The following CNTNAP2 variants were observed in gnomAD, a reference collection of about 807,000 sequenced individuals.
The protein encoded by CNTNAP2 is contactin associated protein 2.
CNTNAP2 carries 98 observed loss-of-function variants against 155.2 expected under a neutral mutation model. That is an observed-to-expected ratio of 0.63 (90% CI 0.54 to 0.75). CNTNAP2 has a LOEUF of 0.75. CNTNAP2 is among the 30% of genes least tolerant of loss of function. CNTNAP2 has a pLI of 0.00. For synonymous variants in CNTNAP2, 651 were observed against 631.2 expected (o/e 1.03, Z -0.47); for missense variants, 1,727 against 1,688.1 (o/e 1.02, Z -0.40).
chr7:146,291,548 T>C (rs1563023983), intron 1 of CNTNAP2, among the ~76,000 whole-genome samples: 1 of 152,132 alleles, frequency 6.6e-6, no homozygotes, highest in South Asian at 2.1e-4. Flanking sequence ...ACTTAGACCT[T>C]CACAGAAACA....
intron 8 of CNTNAP2, among the ~76,000 whole-genome samples, chr7:147,153,690 G>A (rs973905478): frequency 1.3e-5 from 2 of 152,138 alleles, no homozygotes; most frequent in Non-Finnish European, 2.9e-5. Flanking sequence ...CGCATGTAAG[G>A]CTGAGCACAC....
intron 4 of CNTNAP2, among the ~76,000 whole-genome samples, chr7:147,088,993 A>G (rs1480896090): frequency 6.7e-6 from 1 of 149,884 alleles, no homozygotes; most frequent in Non-Finnish European, 1.5e-5. Context: ...AAAGAGAGAC[A>G]GAGAGATAGA....
chr7:146,517,506 G>A (rs1260443433), intron 1 of CNTNAP2, among the ~76,000 whole-genome samples: 1 of 151,986 alleles, frequency 6.6e-6, no homozygotes, highest in African/African-American at 2.4e-5. Context: ...AATGTCTGAT[G>A]TGGCTTGAAT....
intron 3 of CNTNAP2, among the ~76,000 whole-genome samples, chr7:146,886,953 A>C (rs11535226): frequency 0.27 from 41,591 of 151,440 alleles, 6,693 homozygotes; most frequent in Admixed American, 0.42. Flanking sequence ...CCTGCTGCTC[A>C]GTGGATCATA....
At chr7:148,310,894 T>C (rs373842793) in intron 21 of CNTNAP2, among the ~76,000 whole-genome samples, 1 of 152,038 alleles carries the variant, frequency 6.6e-6, no homozygotes, top group African/African-American at 2.4e-5. Context: ...TGAGAAAACG[T>C]TGAGTATCTA....
intron 10 of CNTNAP2, among the ~76,000 whole-genome samples, chr7:147,478,161 T>G (rs1276401675): frequency 2.0e-5 from 3 of 149,586 alleles, no homozygotes; most frequent in Non-Finnish European, 3.0e-5. Context: ...TCTTTTTTTT[T>G]GGGTGGTGGG....
intron 4 of CNTNAP2, among the ~76,000 whole-genome samples, chr7:147,079,999 CTTTTTT>C (rs33992262): frequency 1.8e-5 from 2 of 112,888 alleles, no homozygotes. Flanking sequence ...AAGCCTAGTC[CTTTTTT>C]TTTTTTTTTT....
intron 8 of CNTNAP2, among the ~76,000 whole-genome samples, chr7:147,273,069 G>A (rs188513497): frequency 6.8e-4 from 103 of 152,242 alleles, no homozygotes; most frequent in Non-Finnish European, 1.2e-3. Context: ...ATGGTGCGGG[G>A]TTTCCACTGC....
chr7:147,405,866 T>C (rs979810101), intron 10 of CNTNAP2, among the ~76,000 whole-genome samples: 4 of 152,078 alleles, frequency 2.6e-5, no homozygotes, highest in African/African-American at 9.7e-5. Flanking sequence ...GGTGATACTA[T>C]ATGGAAATGG....
At chr7:146,534,007 C>T (rs548740720) in intron 1 of CNTNAP2, among the ~76,000 whole-genome samples, 1 of 151,944 alleles carries the variant, frequency 6.6e-6, no homozygotes, top group East Asian at 1.9e-4. Flanking sequence ...TTAGGAAAAT[C>T]AGGCCTAAAA....
At chr7:146,363,523 G>T (rs1375027304) in intron 1 of CNTNAP2, among the ~76,000 whole-genome samples, 1 of 152,142 alleles carries the variant, frequency 6.6e-6, no homozygotes, top group Non-Finnish European at 1.5e-5. Flanking sequence ...ACTGTCAAAA[G>T]AAATTAAAAT....
intron 1 of CNTNAP2, among the ~76,000 whole-genome samples, chr7:146,751,208 CATACAAATTTGAGT>C (rs1218350227): frequency 2.6e-5 from 4 of 152,074 alleles, no homozygotes; most frequent in African/African-American, 9.7e-5. Context: ...CAAATTCGAG[CATACAAATTTGAGT>C]ATACAAATTT....
rs559094559 is a variant in CNTNAP2 at position 147,867,883 on chromosome 7, A to G, written c.2099-35682A>G. Among the ~76,000 whole-genome samples the G allele has an allele frequency of 1.2e-3, 184 of 152,146 alleles. 1 individual carries two copies. Among genetic ancestry groups the G allele is most frequent in the Non-Finnish European group, 2.2e-3 (147 of 67,994 alleles). On this transcript the variant is annotated intron_variant, in intron 13 of 23. Coordinates refer to ENST00000361727, the MANE Select transcript of CNTNAP2 (RefSeq NM_014141.6). ...TTTCAAGGTTTTTAACTTCCTTGCA[A>G]TGTGTTAGAACATGCTCCTTTAGCT...
chr7:146,816,697 T>A (rs1803177707), intron 2 of CNTNAP2, among the ~76,000 whole-genome samples: 1 of 151,570 alleles, frequency 6.6e-6, no homozygotes, highest in African/African-American at 2.4e-5. Context: ...GCTATACACA[T>A]GTTAGAAGCT....
chr7:147,190,850 T>C (rs1490983838), intron 8 of CNTNAP2, among the ~76,000 whole-genome samples: 3 of 152,144 alleles, frequency 2.0e-5, no homozygotes, highest in Non-Finnish European at 4.4e-5. Flanking sequence ...GAAGGAAATA[T>C]GAAAAATGTT....
At chr7:147,150,207 T>A (rs1034277440) in intron 8 of CNTNAP2, among the ~76,000 whole-genome samples, 3 of 152,100 alleles carry the variant, frequency 2.0e-5, no homozygotes, top group Admixed American at 6.5e-5. Context: ...CATAGATTAT[T>A]TACTAAGTAA....
intron 9 of CNTNAP2, among the ~76,000 whole-genome samples, chr7:147,380,979 G>GTT (rs201533253): frequency 1.3e-5 from 2 of 150,848 alleles, no homozygotes. Flanking sequence ...TATTTTCTGG[G>GTT]TTTTTTTTTG....
chr7:146,586,382 A>G (rs1380186689), intron 1 of CNTNAP2, among the ~76,000 whole-genome samples: 1 of 152,210 alleles, frequency 6.6e-6, no homozygotes, highest in Admixed American at 6.5e-5. Context: ...ATAAATTACA[A>G]ACCCCACCAA....
At chr7:147,179,163 A>G (rs1016311735) in intron 8 of CNTNAP2, among the ~76,000 whole-genome samples, 1 of 152,226 alleles carries the variant, frequency 6.6e-6, no homozygotes, top group South Asian at 2.1e-4. Context: ...CAATAAATTC[A>G]TTAATTCTTT....
Sources: allele counts gnomAD v4.1 joint callset (sites outside exome capture counted in the v4.1 genomes callset), GRCh38; gene constraint gnomAD v4.1.1; transcripts MANE v1.5; gene names NCBI Gene and HGNC (gene_info 2026-07-23, HGNC 2026-07-21).